PTPRD: variants seen among roughly 807,000 people sequenced by gnomAD.
PTPRD encodes the protein receptor-type tyrosine-protein phosphatase delta.
Under a neutral mutation model 214.5 loss-of-function variants are expected in PTPRD, and 34 were observed. The ratio of observed to expected loss-of-function variants is 0.16; its 90% confidence interval spans 0.12 to 0.21. PTPRD has a LOEUF of 0.21. PTPRD is among the 10% of genes least tolerant of loss of function. The pLI is 1.00. For missense variants in PTPRD, 2,545 were observed against 2,398.7 expected, an observed-to-expected ratio of 1.06 and a Z score of -1.27; for synonymous variants, 1,128 against 845.7, an observed-to-expected ratio of 1.33 and a Z score of -5.79.
At chr9:9,246,821 T>C (rs768132594) in intron 9 of PTPRD, among the ~76,000 whole-genome samples, 17 of 151,980 alleles carry the variant, frequency 1.1e-4, no homozygotes, top group Non-Finnish European at 2.2e-4. Context: ...CTTCAGGAAG[T>C]TTCCTGTTAA....
At chr9:8,554,586 T>A (rs146419153) in intron 14 of PTPRD, among the ~76,000 whole-genome samples, 56 of 152,308 alleles carry the variant, frequency 3.7e-4, no homozygotes, top group African/African-American at 1.3e-3. Context: ...TGTGACACAT[T>A]AATAGGCTAA....
intron 12 of PTPRD, among the ~76,000 whole-genome samples, chr9:8,652,536 G>C (rs1300799062): frequency 6.6e-6 from 1 of 152,182 alleles, no homozygotes; most frequent in Non-Finnish European, 1.5e-5. Context: ...TCATCCAACA[G>C]AGCTGCACTG....
intron 7 of PTPRD, among the ~76,000 whole-genome samples, chr9:9,710,935 C>T (rs2097714848): frequency 6.6e-6 from 1 of 152,036 alleles, no homozygotes; most frequent in Non-Finnish European, 1.5e-5. Context: ...ACTGGCACAT[C>T]TAAATGGTCC....
chr9:8,599,396 A>G (rs563552272), intron 14 of PTPRD, among the ~76,000 whole-genome samples: 1 of 152,292 alleles, frequency 6.6e-6, no homozygotes, highest in Admixed American at 6.5e-5. Context: ...AAAAGTAAAA[A>G]CAAAACAAAA....
At chr9:10,533,704 A>G (rs542555907) in intron 2 of PTPRD, among the ~76,000 whole-genome samples, 1 of 152,104 alleles carries the variant, frequency 6.6e-6, no homozygotes, top group South Asian at 2.1e-4. Context: ...AATTATATAG[A>G]TATCAGGGAA....
chr9:8,752,597 C>T (rs1036023143), intron 11 of PTPRD, among the ~76,000 whole-genome samples: 1 of 152,182 alleles, frequency 6.6e-6, no homozygotes, highest in African/African-American at 2.4e-5. Context: ...CAAGAACCCT[C>T]TCTTGGGGTC....
intron 14 of PTPRD, among the ~76,000 whole-genome samples, chr9:8,585,278 G>A (rs1459637115): frequency 6.6e-6 from 1 of 152,116 alleles, no homozygotes; most frequent in Non-Finnish European, 1.5e-5. Flanking sequence ...AAGATAGATG[G>A]AAACAAATTT....
intron 2 of PTPRD, among the ~76,000 whole-genome samples, chr9:10,494,581 C>T (rs546950834): frequency 2.7e-5 from 4 of 148,330 alleles, no homozygotes; most frequent in Admixed American, 2.0e-4. Flanking sequence ...TGTTTACCTG[C>T]TGTATGTAAG....
At chr9:8,435,727 A>ACACG (rs973012310) in intron 35 of PTPRD, among the ~76,000 whole-genome samples, 5 of 151,778 alleles carry the variant, frequency 3.3e-5, no homozygotes, top group African/African-American at 4.8e-5. Flanking sequence ...ACACACACAC[A>ACACG]CACGCACGCA....
In PTPRD at chr9:10,035,904, G is replaced by A. The variant is rs140427713; in HGVS notation, c.-544-2114C>T. On this transcript the variant is annotated intron_variant, in intron 3 of 45. Transcript: ENST00000381196. ...CTTCTGACAACTAACTTTGGCCCTT[G>A]TTCAGGAAGCGGAAATCTATATCTT... is the stretch of plus-strand genomic sequence containing the variant. Among the ~76,000 whole-genome samples the A allele has an allele frequency of 2.0e-4, 26 of 131,884 alleles. No homozygotes were observed. In the East Asian group the frequency reaches 8.1e-3, roughly 41 times the overall value. The allele number at this position is 131,884 out of a possible 152,430, so 86.5% of individuals were successfully genotyped here.
intron 2 of PTPRD, among the ~76,000 whole-genome samples, chr9:10,472,183 G>C (rs1027979729): frequency 1.8e-4 from 28 of 152,178 alleles, no homozygotes; most frequent in Non-Finnish European, 3.7e-4. Flanking sequence ...AAAGGTGTTA[G>C]AATAAGTCTA....
At chr9:9,308,558 T>C (rs1957865104) in intron 9 of PTPRD, among the ~76,000 whole-genome samples, 1 of 152,202 alleles carries the variant, frequency 6.6e-6, no homozygotes, top group Non-Finnish European at 1.5e-5. Context: ...TGCTCTCATC[T>C]GGAATAGAGC....
At position 9,759,555 on chromosome 9, in the gene PTPRD, C is replaced by CTTTTTTTTTTTTTTTTTTT. The variant is rs3050068; in HGVS notation, c.-326+7236_-326+7254dup. ...ACATCTTCAAATAGTCAAGGTCTGT[C>CTTTTTTTTTTTTTTTTTTT]TTTTTTTTTTTTTTTTTTTTGAGAT... is the stretch of plus-strand genomic sequence containing the variant. On this transcript the variant is annotated intron_variant, in intron 6 of 45. Coordinates refer to ENST00000381196, the MANE Select transcript of PTPRD (RefSeq NM_002839.4). Among the ~76,000 whole-genome samples the CTTTTTTTTTTTTTTTTTTT allele has an allele frequency of 3.2e-4, 38 of 117,810 alleles. 2 individuals carry two copies. The East Asian group carries it at 6.5e-3, about 20-fold the overall frequency. The allele number at this position is 117,810 out of a possible 152,430, so 77.3% of individuals were successfully genotyped here. A position where few individuals can be genotyped will look rare whatever the true frequency, so the allele number is the denominator to read the frequency against.
chr9:10,269,859 A>G (rs997460514), intron 3 of PTPRD, among the ~76,000 whole-genome samples: 1 of 152,128 alleles, frequency 6.6e-6, no homozygotes, highest in Non-Finnish European at 1.5e-5. Flanking sequence ...AAAATTAAAA[A>G]CTGCTTTAAT....
At chr9:9,265,476 C>G (rs928850425) in intron 9 of PTPRD, among the ~76,000 whole-genome samples, 1 of 151,288 alleles carries the variant, frequency 6.6e-6, no homozygotes, top group Admixed American at 6.6e-5. Context: ...CCAGGCTAGT[C>G]TAAAACTCCA....
At chr9:8,512,017 G>C (rs1434400922) in intron 21 of PTPRD, among the ~76,000 whole-genome samples, 1 of 152,120 alleles carries the variant, frequency 6.6e-6, no homozygotes, top group Non-Finnish European at 1.5e-5. Flanking sequence ...TATCTCTAAA[G>C]AAAGGTTGAC....
rs376008587 is a variant in PTPRD at position 10,228,941 on chromosome 9, C to T, written c.-545+112022G>A. ...AGTGTCTACTATGGGAGTGTAAAAACACTAAATAAGGCATTGCTTCTTAAT... is the reference window on the plus strand; with the variant it reads ...AGTGTCTACTATGGGAGTGTAAAAATACTAAATAAGGCATTGCTTCTTAAT... On this transcript the variant is annotated intron_variant, in intron 3 of 45. Coordinates refer to ENST00000381196, the MANE Select transcript of PTPRD (RefSeq NM_002839.4). 3.4e-4 allele frequency among the ~76,000 whole-genome samples: 52 copies of T among 151,730 alleles called. No homozygotes were observed. In the East Asian group the frequency reaches 9.2e-3, roughly 27 times the overall value.
intron 12 of PTPRD, among the ~76,000 whole-genome samples, chr9:8,651,083 C>T (rs1416508442): frequency 6.6e-6 from 1 of 152,060 alleles, no homozygotes; most frequent in Non-Finnish European, 1.5e-5. Context: ...ATTTATTTTA[C>T]ATATTAAGTC....
chr9:9,070,104 G>C (rs542844497), intron 10 of PTPRD, among the ~76,000 whole-genome samples: 2 of 152,142 alleles, frequency 1.3e-5, no homozygotes, highest in African/African-American at 4.8e-5. Flanking sequence ...TAGGAGAACA[G>C]CTGAGCTTCA....
Sources: gnomAD v4.1 joint callset for allele counts (sites outside exome capture counted in the v4.1 genomes callset) on GRCh38, gnomAD v4.1.1 for gene constraint, MANE v1.5 for transcripts, NCBI Gene and HGNC (gene_info 2026-07-23, HGNC 2026-07-21) for gene names.